CNTNAP2: variants seen among roughly 807,000 people sequenced by gnomAD.
CNTNAP2 encodes the protein contactin associated protein 2.
A neutral mutation model predicts 155.2 loss-of-function variants in CNTNAP2; 98 were observed. That is an observed-to-expected ratio of 0.63 (90% CI 0.54 to 0.75). The LOEUF is 0.75. Among genes scored for constraint, CNTNAP2 ranks in the 30% least tolerant of loss-of-function variants. The pLI is 0.00. For synonymous variants in CNTNAP2, 651 were observed against 631.2 expected, an observed-to-expected ratio of 1.03 and a Z score of -0.47; for missense variants, 1,727 against 1,688.1, an observed-to-expected ratio of 1.02 and a Z score of -0.40.
intron 9 of CNTNAP2, among the ~76,000 whole-genome samples, chr7:147,327,546 A>G (rs1217160119): frequency 6.6e-6 from 1 of 152,262 alleles, no homozygotes; most frequent in Non-Finnish European, 1.5e-5. Context: ...AGAATAAAAA[A>G]GCAAAATGTC....
intron 22 of CNTNAP2, among the ~76,000 whole-genome samples, chr7:148,399,083 T>C (rs916080798): frequency 6.6e-6 from 1 of 152,206 alleles, no homozygotes; most frequent in Admixed American, 6.5e-5. Context: ...ATAGCAGGTG[T>C]GTTCACAAAA....
intron 13 of CNTNAP2, among the ~76,000 whole-genome samples, chr7:147,695,195 G>A (rs1796143628): frequency 6.6e-6 from 1 of 151,872 alleles, no homozygotes. Context: ...TTCTATTTTG[G>A]TCTGAGAGCA....
At chr7:147,478,408 C>T (rs373961003) in intron 10 of CNTNAP2, among the ~76,000 whole-genome samples, 1 of 152,112 alleles carries the variant, frequency 6.6e-6, no homozygotes, top group African/African-American at 2.4e-5. Context: ...CTGCCTCGGC[C>T]TCCCAAAGTG....
Position 146,465,988 on chromosome 7 carries a change from G to A in CNTNAP2, c.98-308283G>A, listed in dbSNP as rs74515316. 4.5e-4 allele frequency among the ~76,000 whole-genome samples: 69 copies of A among 152,234 alleles called. 1 individual carries two copies. The East Asian group carries it at 0.011, about 25-fold the overall frequency. On this transcript the variant is annotated intron_variant, in intron 1 of 23. Coordinates refer to ENST00000361727, the MANE Select transcript of CNTNAP2 (RefSeq NM_014141.6). ...TAAGTGGTGTTTGCTACTTACCTGAGTAGTGGGCATTTGAATTCCAGGACT... is the reference window on the plus strand; with the variant it reads ...TAAGTGGTGTTTGCTACTTACCTGAATAGTGGGCATTTGAATTCCAGGACT...
At chr7:147,382,519 C>G (rs558113680) in intron 9 of CNTNAP2, among the ~76,000 whole-genome samples, 1 of 152,218 alleles carries the variant, frequency 6.6e-6, no homozygotes, top group East Asian at 1.9e-4. Flanking sequence ...GAGACAATGA[C>G]AGAATACCAG....
intron 13 of CNTNAP2, among the ~76,000 whole-genome samples, chr7:147,772,481 TATACAC>T (rs1797489520): frequency 9.4e-6 from 1 of 106,618 alleles, no homozygotes; most frequent in African/African-American, 4.6e-5. Context: ...TATATATATA[TATACAC>T]ACACAAAAAA....
At chr7:147,814,070 C>A (rs1309873071) in intron 13 of CNTNAP2, among the ~76,000 whole-genome samples, 3 of 151,966 alleles carry the variant, frequency 2.0e-5, no homozygotes, top group African/African-American at 7.2e-5. Context: ...TTTCTTTTTG[C>A]CTTTCCAAAA....
chr7:146,491,309 C>A (rs900266042), intron 1 of CNTNAP2, among the ~76,000 whole-genome samples: 1 of 151,944 alleles, frequency 6.6e-6, no homozygotes, highest in African/African-American at 2.4e-5. Context: ...GTTCTGCTCA[C>A]TTCTCTGGTA....
chr7:146,297,524 A>T (rs549541353), intron 1 of CNTNAP2, among the ~76,000 whole-genome samples: 1 of 152,244 alleles, frequency 6.6e-6, no homozygotes, highest in African/African-American at 2.4e-5. Flanking sequence ...ATCACAGAAG[A>T]GAATAAAGGC....
intron 15 of CNTNAP2, chr7:148,044,468 C>T (rs1372382875): frequency 2.0e-5 from 3 of 152,312 alleles, no homozygotes; most frequent in Admixed American, 2.0e-4. Flanking sequence ...ATTGAAACCT[C>T]ATTCCTAACG....
intron 1 of CNTNAP2, among the ~76,000 whole-genome samples, chr7:146,151,694 A>ATATG (rs1472025122): frequency 7.3e-5 from 3 of 41,274 alleles, no homozygotes. Context: ...ATATATATAT[A>ATATG]TATGTATATA....
intron 1 of CNTNAP2, among the ~76,000 whole-genome samples, chr7:146,710,672 C>T (rs750522084): frequency 6.6e-6 from 1 of 152,074 alleles, no homozygotes; most frequent in Non-Finnish European, 1.5e-5. Context: ...CTGTTCTCCT[C>T]TCTTATTTAG....
chr7:147,848,160 G>A (rs1309816986), intron 13 of CNTNAP2, among the ~76,000 whole-genome samples: 1 of 138,846 alleles, frequency 7.2e-6, no homozygotes, highest in Non-Finnish European at 1.6e-5. Context: ...GTTTACCTAA[G>A]CAAGCCTGGG....
intron 1 of CNTNAP2, among the ~76,000 whole-genome samples, chr7:146,144,971 G>T (rs894966064): frequency 6.6e-6 from 1 of 152,146 alleles, no homozygotes; most frequent in African/African-American, 2.4e-5. Context: ...TTCAGGGTTG[G>T]CAGTAGCTCA....
In CNTNAP2 at chr7:148,383,836, C is replaced by T. The variant is rs1563066777; in HGVS notation, c.3663C>T (p.Leu1221=). Reference sequence around the variant, plus strand: ...ACTGCGGGGCCTCGCCGCTGACCCTCTCCCCCATGTCGTCCGCCACCGACC... The same window carrying T: ...ACTGCGGGGCCTCGCCGCTGACCCTTTCCCCCATGTCGTCCGCCACCGACC... ...ESNCGASPLT[L]SPMSSATDPW... The change falls in exon 22 of 24, where the codon CTC becomes CTT. Residue 1221 remains leucine, a synonymous_variant. Coordinates refer to ENST00000361727, the MANE Select transcript of CNTNAP2 (RefSeq NM_014141.6). The T allele has an allele frequency of 6.2e-7, 1 of 1,614,110 alleles. No individual in the cohort carries two copies. Among genetic ancestry groups the T allele is most frequent in the Non-Finnish European group, 8.5e-7 (1 of 1,180,024 alleles).
intron 13 of CNTNAP2, among the ~76,000 whole-genome samples, chr7:147,751,078 AATT>A (rs980550164): frequency 1.4e-5 from 2 of 147,870 alleles, no homozygotes; most frequent in Admixed American, 7.9e-5. Flanking sequence ...AAATAAAATA[AATT>A]AAAAAAAATT....
At chr7:147,647,605 A>G (rs1414923931) in intron 13 of CNTNAP2, among the ~76,000 whole-genome samples, 2 of 152,038 alleles carry the variant, frequency 1.3e-5, no homozygotes, top group East Asian at 1.9e-4. Context: ...TGGTGTTTTA[A>G]TGGGCTCTTT....
chr7:147,384,248 T>A (rs1044650474), intron 9 of CNTNAP2, among the ~76,000 whole-genome samples: 1 of 152,192 alleles, frequency 6.6e-6, no homozygotes. Flanking sequence ...ATATGATAGA[T>A]TTCCTTGAAG....
intron 1 of CNTNAP2, among the ~76,000 whole-genome samples, chr7:146,722,937 C>A (rs1007356498): frequency 1.3e-5 from 2 of 152,014 alleles, no homozygotes; most frequent in Non-Finnish European, 2.9e-5. Flanking sequence ...ATTGCTTGAA[C>A]CTGGGAGGCA....
Sources: allele counts gnomAD v4.1 joint callset (sites outside exome capture counted in the v4.1 genomes callset), GRCh38; gene constraint gnomAD v4.1.1; transcripts MANE v1.5; gene names NCBI Gene and HGNC (gene_info 2026-07-23, HGNC 2026-07-21).